CDH13: variants seen among roughly 807,000 people sequenced by gnomAD.
CDH13 encodes the protein cadherin 13.
A neutral mutation model predicts 63.8 loss-of-function variants in CDH13; 24 were observed. The ratio of observed to expected loss-of-function variants is 0.38; its 90% CI spans 0.27 to 0.53. The LOEUF (loss-of-function observed/expected upper bound fraction) is 0.53, where lower values mean the gene tolerates loss of function less well. Ranked by LOEUF, CDH13 falls within the 20% of genes least tolerant of loss-of-function variation. CDH13 has a pLI of 0.85. For synonymous variants in CDH13, 503 were observed against 355.3 expected (o/e 1.42, Z -4.67); for missense variants, 1,049 against 903.1 (o/e 1.16, Z -2.07).
chr16:82,768,182 A>T lies in CDH13; in HGVS notation c.46-90180A>T, dbSNP rs192033339. Reference sequence around the variant, plus strand: ...CTACACAATCATGCAACATGTGCCTAATTTTCTCAACTAAATTGCAAGCTG... The same window carrying T: ...CTACACAATCATGCAACATGTGCCTTATTTTCTCAACTAAATTGCAAGCTG... On this transcript the variant is annotated intron_variant, in intron 1 of 13. Transcript: ENST00000567109. Among the ~76,000 whole-genome samples, 3 of 152,194 alleles carry T rather than the reference A, an allele frequency of 2.0e-5. No individual in the cohort carries two copies. The East Asian group carries it at 5.8e-4, about 29-fold the overall frequency.
At chr16:83,153,339 TC>T (rs775894902) in intron 4 of CDH13, among the ~76,000 whole-genome samples, 4 of 151,902 alleles carry the variant, frequency 2.6e-5, no homozygotes, top group Non-Finnish European at 4.4e-5. Flanking sequence ...TGCCAGTTGA[TC>T]CATCAAATGC....
At chr16:82,929,244 G>A (rs980858339) in intron 2 of CDH13, among the ~76,000 whole-genome samples, 1 of 152,098 alleles carries the variant, frequency 6.6e-6, no homozygotes, top group Non-Finnish European at 1.5e-5. Context: ...TCTGGAGGTA[G>A]GGCTTTCATG....
At chr16:83,388,898 A>G (rs568978916) in intron 6 of CDH13, among the ~76,000 whole-genome samples, 62 of 152,274 alleles carry the variant, frequency 4.1e-4, no homozygotes, top group Middle Eastern at 3.4e-3. Context: ...TCCACAGGTG[A>G]TCTGTGTGCT....
At chr16:83,752,879 AAAG>A (rs1416606964) in intron 11 of CDH13, among the ~76,000 whole-genome samples, 2 of 152,240 alleles carry the variant, frequency 1.3e-5, no homozygotes, top group African/African-American at 4.8e-5. Context: ...TTCAGAAAGG[AAAG>A]AATAGAGCCA....
intron 4 of CDH13, among the ~76,000 whole-genome samples, chr16:83,158,702 CA>C (rs2037321421): frequency 6.6e-6 from 1 of 152,250 alleles, no homozygotes; most frequent in African/African-American, 2.4e-5. Flanking sequence ...CCTGGTGCTG[CA>C]GCTGCTCCAT....
chr16:82,835,325 C>T (rs1248811071), intron 1 of CDH13, among the ~76,000 whole-genome samples: 1 of 152,182 alleles, frequency 6.6e-6, no homozygotes, highest in Non-Finnish European at 1.5e-5. Context: ...CTCCTTCTGA[C>T]ATTCACAGGG....
In CDH13 at chr16:83,190,505, G is replaced by A. The variant is rs73606346; in HGVS notation, c.484-26840G>A. 7.7e-3 allele frequency among the ~76,000 whole-genome samples: 1,176 copies of A among 152,198 alleles called. 12 individuals carry two copies. Among genetic ancestry groups the A allele is most frequent in the African/African-American group, 0.027 (1,115 of 41,520 alleles). On this transcript the variant is annotated intron_variant, in intron 4 of 13. Transcript: ENST00000567109. ...TTTCAGTTGCCACCATGTCTTGAGC[G>A]CCTGCCCTATGCCCCCATACTGTTC...
At chr16:82,913,240 G>T (rs986400281) in intron 2 of CDH13, among the ~76,000 whole-genome samples, 4 of 152,026 alleles carry the variant, frequency 2.6e-5, no homozygotes, top group African/African-American at 4.8e-5. Context: ...TTTCCAAAGG[G>T]CAGGTAGCAG....
chr16:82,819,682 G>A (rs1353413073), intron 1 of CDH13, among the ~76,000 whole-genome samples: 2 of 152,144 alleles, frequency 1.3e-5, no homozygotes, highest in African/African-American at 4.8e-5. Context: ...AGCACTCAAG[G>A]GAAGGGAGGC....
At chr16:83,487,778 A>G (rs190205364) in intron 7 of CDH13, among the ~76,000 whole-genome samples, 9 of 152,160 alleles carry the variant, frequency 5.9e-5, no homozygotes, top group Admixed American at 5.9e-4. Context: ...GGCTCTGTGC[A>G]TTTCCCCCTC....
At chr16:83,204,162 G>T (rs971224047) in intron 4 of CDH13, among the ~76,000 whole-genome samples, 1 of 152,204 alleles carries the variant, frequency 6.6e-6, no homozygotes, top group African/African-American at 2.4e-5. Context: ...TCAATGCCTT[G>T]TTGGGTCTAC....
chr16:83,348,508 A>C (rs1385077501), intron 6 of CDH13, among the ~76,000 whole-genome samples: 2 of 152,186 alleles, frequency 1.3e-5, no homozygotes, highest in South Asian at 4.1e-4. Flanking sequence ...AAGGGAACAG[A>C]AGGGTCCCAT....
chr16:83,394,154 A>C (rs2091840096), intron 6 of CDH13, among the ~76,000 whole-genome samples: 1 of 152,130 alleles, frequency 6.6e-6, no homozygotes, highest in Non-Finnish European at 1.5e-5. Context: ...TAGGCTTAGC[A>C]CTTTGGTGAG....
intron 1 of CDH13, among the ~76,000 whole-genome samples, chr16:82,777,746 G>A (rs571103249): frequency 1.8e-4 from 28 of 152,272 alleles, no homozygotes; most frequent in Non-Finnish European, 3.5e-4. Flanking sequence ...ACTTGACTGG[G>A]CATGGGTTGG....
At chr16:82,899,307 A>G (rs2041378032) in intron 2 of CDH13, among the ~76,000 whole-genome samples, 1 of 152,200 alleles carries the variant, frequency 6.6e-6, no homozygotes, top group Admixed American at 6.5e-5. Context: ...CCACTAGAAG[A>G]CAATTTCTTG....
intron 2 of CDH13, among the ~76,000 whole-genome samples, chr16:82,895,299 A>G (rs1202606717): frequency 2.0e-5 from 3 of 152,116 alleles, no homozygotes; most frequent in Non-Finnish European, 4.4e-5. Flanking sequence ...ACACCCACAC[A>G]TATACTCAAT....
chr16:83,331,335 A>G (rs2090475999), intron 5 of CDH13, among the ~76,000 whole-genome samples: 1 of 152,298 alleles, frequency 6.6e-6, no homozygotes, highest in Non-Finnish European at 1.5e-5. Flanking sequence ...TATAATCCCA[A>G]AACTGTAGAA....
At chr16:82,761,260 TGCCCTCCTCG>T (rs540941664) in intron 1 of CDH13, among the ~76,000 whole-genome samples, 6 of 152,060 alleles carry the variant, frequency 3.9e-5, no homozygotes, top group African/African-American at 1.2e-4. Flanking sequence ...TCAGGTGATC[TGCCCTCCTCG>T]GCCTCCCAAA....
intron 5 of CDH13, among the ~76,000 whole-genome samples, chr16:83,285,130 C>G (rs1374704596): frequency 6.6e-6 from 1 of 152,020 alleles, no homozygotes; most frequent in Admixed American, 6.6e-5. Flanking sequence ...TCTGGAGGAC[C>G]AGAGTATCGA....
Sources: gnomAD v4.1 joint callset for allele counts (sites outside exome capture counted in the v4.1 genomes callset) on GRCh38, gnomAD v4.1.1 for gene constraint, MANE v1.5 for transcripts, NCBI Gene and HGNC (gene_info 2026-07-23, HGNC 2026-07-21) for gene names.